Variants in PNLIPRP1 observed in about 807,000 individuals in gnomAD.
The protein encoded by PNLIPRP1 is pancreatic lipase related protein 1, also known as inactive pancreatic lipase-related protein 1.
A neutral mutation model predicts 54.6 loss-of-function variants in PNLIPRP1; 57 were observed. The observed-to-expected ratio is 1.04, with a 90% CI of 0.84 to 1.30. The LOEUF (loss-of-function observed/expected upper bound fraction) is 1.30, where lower values mean the gene tolerates loss of function less well. Among genes scored for constraint, PNLIPRP1 ranks in the 50% most tolerant of loss-of-function variants. The pLI, the probability that PNLIPRP1 is intolerant of heterozygous loss-of-function variation, is 0.00. For missense variants in PNLIPRP1, 567 were observed against 568.5 expected, an observed-to-expected ratio of 1.00 and a Z score of 0.03; for synonymous variants, 232 against 208.8, an observed-to-expected ratio of 1.11 and a Z score of -0.96.
intron 11 of PNLIPRP1, 95 bp from the exon 12 acceptor site, chr10:116,605,291 C>T: frequency 1.6e-6 from 1 of 638,056 alleles, no homozygotes; most frequent in South Asian, 4.5e-5. Context: ...GAAAAATAAT[C>T]CTGTTAATCT....
chr10:116,599,896 T>C, intron 8 of PNLIPRP1, 151 bp from the exon 9 acceptor site: 1 of 675,858 alleles, frequency 1.5e-6, no homozygotes, highest in Non-Finnish European at 2.7e-6. Flanking sequence ...CCTCTATATG[T>C]TAATTGTCAT....
At chr10:116,594,911 G>T (rs545588944) in intron 5 of PNLIPRP1, 47 bp downstream of exon 5, 1 of 1,604,784 alleles carries the variant, frequency 6.2e-7, no homozygotes, top group Non-Finnish European at 8.5e-7. Context: ...AGTGCCTGCT[G>T]GTCTCTGTTT....
chr10:116,604,198 C>T, intron 11 of PNLIPRP1, 60 bp downstream of exon 11: 2 of 891,926 alleles, frequency 2.2e-6, no homozygotes, highest in Non-Finnish European at 3.7e-6. Context: ...TCAAACCACA[C>T]ACTTAATTTG....
At chr10:116,593,954 C>CAAAAAAAAAAAAA (rs57786929) in intron 4 of PNLIPRP1, 1 of 94,280 alleles carries the variant, frequency 1.1e-5, no homozygotes, top group African/African-American at 3.8e-5. Context: ...GAGGCTGTCT[C>CAAAAAAAAAAAAA]AAAAAAAAAA....
chr10:116,592,624 A>G (rs1554863396), intron 4 of PNLIPRP1, 83 bp downstream of exon 4: 1 of 1,488,262 alleles, frequency 6.7e-7, no homozygotes, highest in Non-Finnish European at 9.4e-7. Context: ...CACTCAAGAA[A>G]TCTTTACATA....
Position 116,600,182 on chromosome 10 carries a change from C to G in PNLIPRP1, c.933+17C>G. The G allele has an allele frequency of 6.6e-7, 1 of 1,515,192 alleles. No individual in the cohort carries two copies. Among genetic ancestry groups the G allele is most frequent in the Non-Finnish European group, 9.2e-7 (1 of 1,089,940 alleles). 93.9% of individuals were successfully genotyped at this position (1,515,192 alleles called of 1,614,324 possible). A position where few individuals can be genotyped will look rare whatever the true frequency, so the allele number is the denominator to read the frequency against. ...TTTGAGTCTGTAAGCTATTGTCCTG[C>G]CTCGAGCAACAAGCATCACCCCTCT... On this transcript the variant is annotated intron_variant, in intron 9 of 12. Transcript: ENST00000358834.
At chr10:116,609,006 T>G (rs1554865945) in intron 12 of PNLIPRP1, 47 bp from the exon 13 acceptor site, 1 of 1,411,184 alleles carries the variant, frequency 7.1e-7, no homozygotes. Flanking sequence ...ACACCTGGCT[T>G]TTGCTAAGGT....
At chr10:116,606,190 C>G (rs1554865562) in intron 12 of PNLIPRP1, among the ~76,000 whole-genome samples, 1 of 152,116 alleles carries the variant, frequency 6.6e-6, no homozygotes, top group Non-Finnish European at 1.5e-5. Flanking sequence ...GGCTCTCAGC[C>G]ACCGATGTTC....
At position 116,594,733 on chromosome 10, in the gene PNLIPRP1, C is replaced by G; in HGVS notation, c.334C>G (p.Leu112Val). 6.2e-7 allele frequency: 1 copy of G among 1,614,172 alleles called. No individual in the cohort carries two copies. The highest frequency in any genetic ancestry group is 1.3e-5 in the African/African-American group (1 of 75,052). ...ESWVTDMCKK[L>V]FEVEEVNCIC... Reference sequence around the variant, plus strand: ...CCCACTATCTCCCCAACACCAGAAACTGTTCGAGGTGGAGGAGGTGAACTG... The same window carrying G: ...CCCACTATCTCCCCAACACCAGAAAGTGTTCGAGGTGGAGGAGGTGAACTG... Residue 112 changes from leucine (L) to valine (V), a missense_variant, in exon 5 of 13, where the codon CTG becomes GTG. Coordinates refer to ENST00000358834, the MANE Select transcript of PNLIPRP1 (RefSeq NM_006229.4).
At chr10:116,594,534 G>C in intron 4 of PNLIPRP1, 196 bp from the exon 5 acceptor site, 5 of 634,954 alleles carry the variant, frequency 7.9e-6, no homozygotes, top group Non-Finnish European at 1.1e-5. Flanking sequence ...CAAGCTGGAG[G>C]GGGAATCAGT....
In PNLIPRP1 at chr10:116,609,159, C is replaced by T; in HGVS notation, c.*43C>T. The T allele has an allele frequency of 7.0e-7, 1 of 1,418,958 alleles. No individual in the cohort carries two copies. Among genetic ancestry groups the T allele is most frequent in the Non-Finnish European group, 9.8e-7 (1 of 1,024,030 alleles). 87.9% of individuals were successfully genotyped at this position (1,418,958 alleles called of 1,614,324 possible). Reference sequence around the variant, plus strand: ...GCTGCTGCGTTCACACTAATAAAATCCACTGGTGCATCTGTATGCTCTGGG... The same window carrying T: ...GCTGCTGCGTTCACACTAATAAAATTCACTGGTGCATCTGTATGCTCTGGG... On this transcript the variant is annotated 3_prime_UTR_variant, in exon 13 of 13. Transcript: ENST00000358834.
intron 6 of PNLIPRP1, among the ~76,000 whole-genome samples, 158 bp from the exon 7 acceptor site, chr10:116,597,670 T>A (rs1847759333): frequency 6.6e-6 from 1 of 152,242 alleles, no homozygotes; most frequent in African/African-American, 2.4e-5. Context: ...TCAGACTCTA[T>A]GTCCTCATAT....
At chr10:116,606,155 G>A (rs1391544626) in intron 12 of PNLIPRP1, among the ~76,000 whole-genome samples, 5 of 152,168 alleles carry the variant, frequency 3.3e-5, no homozygotes, top group African/African-American at 1.2e-4. Context: ...AGTAGAACAT[G>A]TGGCTTTGTG....
At chr10:116,608,981 C>CCAAACCAAAA in intron 12 of PNLIPRP1, 72 bp from the exon 13 acceptor site, 1 of 1,029,962 alleles carries the variant, frequency 9.7e-7, no homozygotes, top group South Asian at 1.3e-5. Context: ...CCAAACCAAA[C>CCAAACCAAAA]CAAAACAAAA....
rs1184642478 is a variant in PNLIPRP1, at chr10:116,601,147, AG to A, written c.1010del (p.Ser337MetfsTer9). 3 of 1,614,060 alleles carry A rather than the reference AG, an allele frequency of 1.9e-6. No individual in the cohort carries two copies. Among genetic ancestry groups the A allele is most frequent in the Non-Finnish European group, 2.5e-6 (3 of 1,180,016 alleles). ...HYADKFAGRT[S>X]EEQQKFFLNT... ...TGCTGATAAATTTGCTGGCAGGACA[AG>A]TGAAGAGCAGCAGAAATTCTTCTTG... On this transcript the variant is annotated frameshift_variant, in exon 10 of 13. Transcript: ENST00000358834. LOFTEE classifies it high-confidence loss of function.
rs899513539 is a variant in PNLIPRP1, at chr10:116,598,277, A to C, written c.814+111A>C. On this transcript the variant is annotated intron_variant, in intron 8 of 12. Coordinates refer to ENST00000358834, the MANE Select transcript of PNLIPRP1 (RefSeq NM_006229.4). ...AATGAAACTGTCTTTAAAAATATACAATTCCCTCTTCTGGGGATTATTTCA... is the reference window on the plus strand; with the variant it reads ...AATGAAACTGTCTTTAAAAATATACCATTCCCTCTTCTGGGGATTATTTCA... The C allele has an allele frequency of 4.8e-6, 5 of 1,042,320 alleles. No homozygotes were observed. The South Asian group carries it at 8.7e-5, about 18-fold the overall frequency. 64.6% of individuals were successfully genotyped at this position (1,042,320 alleles called of 1,614,324 possible).
chr10:116,595,877 C>A (rs187885401), intron 5 of PNLIPRP1: 1 of 210,564 alleles, frequency 4.7e-6, no homozygotes. Context: ...AAGGAAGAGA[C>A]GTCTAAATTG....
At chr10:116,605,329 T>C in intron 11 of PNLIPRP1, 57 bp from the exon 12 acceptor site, 1 of 916,094 alleles carries the variant, frequency 1.1e-6, no homozygotes, top group Admixed American at 2.2e-5. Flanking sequence ...CCTGGCATTG[T>C]ATGGTAATTA....
At chr10:116,595,006 C>A in intron 5 of PNLIPRP1, 142 bp downstream of exon 5, 1 of 1,067,696 alleles carries the variant, frequency 9.4e-7, no homozygotes, top group Non-Finnish European at 1.3e-6. Context: ...TGAAATTTGC[C>A]TTCATAATGA....
Sources: gnomAD v4.1 joint callset for allele counts (sites outside exome capture counted in the v4.1 genomes callset) on GRCh38, gnomAD v4.1.1 for gene constraint, MANE v1.5 for transcripts, NCBI Gene and HGNC (gene_info 2026-07-23, HGNC 2026-07-21) for gene names.